PCDHA12: variants seen among roughly 807,000 people sequenced by gnomAD.
PCDHA12 encodes the protein protocadherin alpha 12.
PCDHA12 carries 44 observed loss-of-function variants against 60.0 expected under a neutral mutation model. The observed-to-expected ratio is 0.73, with a 90% CI of 0.58 to 0.94. PCDHA12 has a LOEUF of 0.94. PCDHA12 is among the 40% of genes least tolerant of loss of function. The pLI, the probability that PCDHA12 is intolerant of heterozygous loss-of-function variation, is 0.00. For missense variants in PCDHA12, 1,276 were observed against 1,239.7 expected (o/e 1.03, Z -0.44); for synonymous variants, 569 against 553.0 (o/e 1.03, Z -0.40).
At chr5:140,977,356 TA>T (rs2096758024) in intron 1 of PCDHA12, among the ~76,000 whole-genome samples, 1 of 152,250 alleles carries the variant, frequency 6.6e-6, no homozygotes, top group South Asian at 2.1e-4. Flanking sequence ...GACTGATTGA[TA>T]AAAAGTATTT....
intron 1 of PCDHA12, among the ~76,000 whole-genome samples, chr5:140,959,126 G>A (rs1417334893): frequency 6.6e-6 from 1 of 152,066 alleles, no homozygotes; most frequent in Non-Finnish European, 1.5e-5. Context: ...GGCGAGGTGA[G>A]CCCACTTTGG....
rs112338455 is a variant in PCDHA12 at position 140,903,390 on chromosome 5, A to G, written c.2367+25551A>G. ...TATAGGGAGGATTGTGGTTACTTCT[A>G]GAAACAGTAGTGCAGTCAGGAAAAA... On this transcript the variant is annotated intron_variant, in intron 1 of 3. Coordinates refer to ENST00000398631, the MANE Select transcript of PCDHA12 (RefSeq NM_018903.4). Among the ~76,000 whole-genome samples the G allele has an allele frequency of 4.3e-3, 662 of 152,354 alleles. 6 individuals are homozygous for G. Among genetic ancestry groups the G allele is most frequent in the African/African-American group, 0.015 (618 of 41,596 alleles).
chr5:140,965,121 T>G (rs1454584682), intron 1 of PCDHA12, among the ~76,000 whole-genome samples: 6 of 152,178 alleles, frequency 3.9e-5, no homozygotes, highest in African/African-American at 1.4e-4. Flanking sequence ...TAGAGGAAGA[T>G]CTACAGATGA....
intron 1 of PCDHA12, chr5:140,929,505 C>A: frequency 1.2e-6 from 1 of 840,606 alleles, no homozygotes; most frequent in Non-Finnish European, 1.7e-6. Flanking sequence ...TGCCCTAGGC[C>A]TCAAGGGACT....
intron 1 of PCDHA12, among the ~76,000 whole-genome samples, chr5:140,910,654 C>T (rs961570287): frequency 1.3e-5 from 2 of 152,218 alleles, no homozygotes; most frequent in African/African-American, 2.4e-5. Flanking sequence ...TTGATCCCTT[C>T]CTCTACATTA....
intron 1 of PCDHA12, among the ~76,000 whole-genome samples, chr5:140,919,626 T>C (rs1554199177): frequency 6.6e-6 from 1 of 152,244 alleles, no homozygotes. Flanking sequence ...TTTTGAGTTA[T>C]TTTCACAGTA....
chr5:140,917,329 G>GC (rs1563018868), intron 1 of PCDHA12, among the ~76,000 whole-genome samples: 1 of 143,930 alleles, frequency 6.9e-6, no homozygotes, highest in Non-Finnish European at 1.5e-5. Flanking sequence ...TGTGGCGGGG[G>GC]AGGGGGGGGA....
At chr5:140,884,037 T>C (rs1260114488) in intron 1 of PCDHA12, 1 of 1,613,346 alleles carries the variant, frequency 6.2e-7, no homozygotes, top group Non-Finnish European at 8.5e-7. Flanking sequence ...GCAGGCCACG[T>C]GGTGGCGAAG....
chr5:140,882,022 A>G (rs2153382292), intron 1 of PCDHA12: 2 of 571,970 alleles, frequency 3.5e-6, no homozygotes, highest in Non-Finnish European at 5.6e-6. Flanking sequence ...TACTACATCA[A>G]TGGAAAATAT....
chr5:140,980,562 G>A (rs944389305), intron 2 of PCDHA12, among the ~76,000 whole-genome samples: 2 of 152,048 alleles, frequency 1.3e-5, no homozygotes, highest in Non-Finnish European at 2.9e-5. Context: ...CCCGGGAGGC[G>A]GAAGTTGCAG....
chr5:140,883,987 G>A (rs782597930), intron 1 of PCDHA12: 2 of 1,612,956 alleles, frequency 1.2e-6, no homozygotes, highest in East Asian at 2.2e-5. Flanking sequence ...CTGGCAGCGC[G>A]GGAGGCACAG....
At chr5:140,926,775 G>A (rs1563083910) in intron 1 of PCDHA12, 7 of 1,391,106 alleles carry the variant, frequency 5.0e-6, no homozygotes, top group East Asian at 2.6e-5. Context: ...GCCCGCAGCA[G>A]TGACGGCCGG....
intron 1 of PCDHA12, among the ~76,000 whole-genome samples, chr5:140,890,446 T>C (rs1554184296): frequency 6.6e-6 from 1 of 152,228 alleles, no homozygotes; most frequent in Admixed American, 6.5e-5. Context: ...CCTAGTGATA[T>C]CTTTAGGCAC....
At chr5:140,947,780 A>G (rs2094176112) in intron 1 of PCDHA12, among the ~76,000 whole-genome samples, 1 of 151,588 alleles carries the variant, frequency 6.6e-6, no homozygotes, top group Non-Finnish European at 1.5e-5. Flanking sequence ...TTGTAAATGG[A>G]TTTTAAACAG....
chr5:141,009,494 A>G (rs1554262180), intron 3 of PCDHA12, 133 bp from the exon 4 acceptor site: 16 of 1,488,800 alleles, frequency 1.1e-5, no homozygotes, highest in Non-Finnish European at 1.4e-5. Flanking sequence ...TTGCCCTCAG[A>G]CTTGAACAAA....
At chr5:140,967,718 C>G (rs959323631) in intron 1 of PCDHA12, 1 of 1,613,988 alleles carries the variant, frequency 6.2e-7, no homozygotes, top group Non-Finnish European at 8.5e-7. Flanking sequence ...CGGGGAAGTG[C>G]GAGTAATTGG....
rs556783584 is a variant in PCDHA12 at position 140,882,446 on chromosome 5, G to A, written c.2367+4607G>A. ...CCTGGGGCTGGAGCTGGCGGAGCTG[G>A]TGCCGCGCCTGTTCCGGGTGGCGTC... On this transcript the variant is annotated intron_variant, in intron 1 of 3. Coordinates refer to ENST00000398631, the MANE Select transcript of PCDHA12 (RefSeq NM_018903.4). 1.9e-5 allele frequency: 30 copies of A among 1,614,042 alleles called. No individual in the cohort carries two copies. The highest frequency in any genetic ancestry group is 1.0e-4 in the Admixed American group (6 of 60,036).
chr5:140,879,955 A>G (rs1554171094), intron 1 of PCDHA12, among the ~76,000 whole-genome samples: 1 of 152,206 alleles, frequency 6.6e-6, no homozygotes, highest in Non-Finnish European at 1.5e-5. Context: ...GCCCATCTGG[A>G]TAATCCAGGA....
intron 1 of PCDHA12, among the ~76,000 whole-genome samples, chr5:140,975,647 T>G (rs1563441442): frequency 6.6e-6 from 1 of 152,254 alleles, no homozygotes; most frequent in Non-Finnish European, 1.5e-5. Flanking sequence ...GCATATTATT[T>G]CATTGAGTAG....
Sources: gnomAD v4.1 joint callset for allele counts (sites outside exome capture counted in the v4.1 genomes callset) on GRCh38, gnomAD v4.1.1 for gene constraint, MANE v1.5 for transcripts, NCBI Gene and HGNC (gene_info 2026-07-23, HGNC 2026-07-21) for gene names.